The following METTL15 variants were observed in gnomAD, a reference collection of about 807,000 sequenced individuals.
The protein encoded by METTL15 is 12S rRNA N(4)-cytidine methyltransferase METTL15.
METTL15 carries 34 observed loss-of-function variants against 38.3 expected under a neutral mutation model. The ratio of observed to expected loss-of-function variants is 0.89; its 90% CI spans 0.68 to 1.18. METTL15 has a LOEUF of 1.18. METTL15 is among the 50% of genes most tolerant of loss of function. The pLI, the probability that METTL15 is intolerant of heterozygous loss-of-function variation, is 0.00. For missense variants in METTL15, 438 were observed against 498.4 expected (o/e 0.88, Z 1.15); for synonymous variants, 162 against 170.9 (o/e 0.95, Z 0.41).
chr11:28,446,460 T>A (rs540318108), intron 6 of METTL15, among the ~76,000 whole-genome samples: 2 of 152,272 alleles, frequency 1.3e-5, no homozygotes, highest in African/African-American at 4.8e-5. Flanking sequence ...AAGGGCTGTC[T>A]GTGAGGCGTG....
At chr11:28,430,939 C>CAGGA (rs1850920274) in intron 6 of METTL15, among the ~76,000 whole-genome samples, 1 of 91,388 alleles carries the variant, frequency 1.1e-5, no homozygotes, top group Non-Finnish European at 2.4e-5. Context: ...CCGCCCCGTC[C>CAGGA]GGGAGGTGAG....
At chr11:28,530,542 G>T (rs538663027), downstream of METTL15, among the ~76,000 whole-genome samples, 1 of 152,164 alleles carries the variant, frequency 6.6e-6, no homozygotes, top group Non-Finnish European at 1.5e-5. Flanking sequence ...AGCCCTGCTT[G>T]GTAATATCTG....
At chr11:28,392,426 G>T (rs923984269) in intron 5 of METTL15, among the ~76,000 whole-genome samples, 4 of 151,994 alleles carry the variant, frequency 2.6e-5, no homozygotes, top group Admixed American at 2.6e-4. Flanking sequence ...CCCAGAAATA[G>T]ACCCTTTGGT....
At chr11:28,438,087 T>C (rs542135512) in intron 6 of METTL15, among the ~76,000 whole-genome samples, 1 of 152,372 alleles carries the variant, frequency 6.6e-6, no homozygotes, top group African/African-American at 2.4e-5. Flanking sequence ...TTATTATTCC[T>C]ATTTTAAGAA....
chr11:28,285,046 A>G (rs775353704), intron 4 of METTL15, among the ~76,000 whole-genome samples: 2 of 152,046 alleles, frequency 1.3e-5, no homozygotes, highest in African/African-American at 2.4e-5. Flanking sequence ...TGATGGTTTT[A>G]TATGCATCTG....
chr11:28,204,679 C>G (rs906696816), intron 3 of METTL15, among the ~76,000 whole-genome samples: 1 of 151,744 alleles, frequency 6.6e-6, no homozygotes. Flanking sequence ...TTAGTGCAGT[C>G]TTAGTTTGTA....
chr11:28,512,721 AC>A (rs1342854780), intron 6 of METTL15, among the ~76,000 whole-genome samples: 2 of 151,330 alleles, frequency 1.3e-5, no homozygotes, highest in African/African-American at 4.9e-5. Flanking sequence ...CTCCCTCCAC[AC>A]CCCCCTGCAA....
chr11:28,310,911 CTGCTGGTGGTGGTGGTGG>C (rs1857260056), intron 6 of METTL15, among the ~76,000 whole-genome samples: 1 of 84,812 alleles, frequency 1.2e-5, no homozygotes, highest in African/African-American at 4.5e-5. Flanking sequence ...GCTGCTGCTG[CTGCTGGTGGTGGTGGTGG>C]TGGTGGTGGT....
intron 5 of METTL15, among the ~76,000 whole-genome samples, chr11:28,372,119 T>G (rs1286919336): frequency 6.6e-6 from 1 of 152,106 alleles, no homozygotes; most frequent in African/African-American, 2.4e-5. Flanking sequence ...ATGTTAGTTG[T>G]GAATTGGCCA....
At chr11:28,382,835 CAAAA>C (rs766333019) in intron 5 of METTL15, among the ~76,000 whole-genome samples, 1 of 129,632 alleles carries the variant, frequency 7.7e-6, no homozygotes, top group Non-Finnish European at 1.7e-5. Flanking sequence ...AACTCCGTCT[CAAAA>C]AAAAAAAAAG....
chr11:28,162,175 A>C (rs371541753), intron 3 of METTL15, among the ~76,000 whole-genome samples: 11 of 152,246 alleles, frequency 7.2e-5, no homozygotes, highest in African/African-American at 2.6e-4. Context: ...CTAGTAGTAG[A>C]GTTTGGATAG....
intron 6 of METTL15, among the ~76,000 whole-genome samples, chr11:28,524,357 A>T (rs1278164355): frequency 3.3e-5 from 5 of 152,224 alleles, no homozygotes; most frequent in Non-Finnish European, 5.9e-5. Flanking sequence ...TGGTCTCAAG[A>T]TATCATCTAT....
At chr11:28,169,004 A>T (rs1850757863) in intron 3 of METTL15, among the ~76,000 whole-genome samples, 1 of 152,194 alleles carries the variant, frequency 6.6e-6, no homozygotes, top group African/African-American at 2.4e-5. Context: ...ACAGGGAATC[A>T]CTAAAGGTTT....
chr11:28,389,728 G>A (rs1483467704), intron 5 of METTL15, among the ~76,000 whole-genome samples: 2 of 151,092 alleles, frequency 1.3e-5, no homozygotes, highest in Non-Finnish European at 1.5e-5. Flanking sequence ...ATGATTTATA[G>A]TCCTTTGGGT....
intron 2 of METTL15, among the ~76,000 whole-genome samples, chr11:28,110,625 T>C (rs1240996005): frequency 6.6e-6 from 1 of 152,208 alleles, no homozygotes; most frequent in Non-Finnish European, 1.5e-5. Flanking sequence ...TCTCTTTCCT[T>C]AGAACCTCTT....
At chr11:28,352,724 C>A (rs547652548) in intron 4 of METTL15, among the ~76,000 whole-genome samples, 1 of 152,180 alleles carries the variant, frequency 6.6e-6, no homozygotes, top group Non-Finnish European at 1.5e-5. Context: ...CACCCCACCC[C>A]CAAGGGTCAT....
At position 28,194,140 on chromosome 11, in the gene METTL15, C is replaced by CTTTCTTTCTTTCT. The variant is rs1554995588; in HGVS notation, c.271-16919_271-16907dup. Among the ~76,000 whole-genome samples the CTTTCTTTCTTTCT allele has an allele frequency of 7.0e-5, 8 of 114,508 alleles. No homozygotes were observed. In the East Asian group the frequency reaches 2.3e-3, roughly 33 times the overall value. 75.1% of individuals were successfully genotyped at this position (114,508 alleles called of 152,430 possible). ...ATGGTTGATCTTTCTTTCTTTCTTT[C>CTTTCTTTCTTTCT]TTTCTTTCTTTCTTTCTTTCTTTCT... On this transcript the variant is annotated intron_variant, in intron 3 of 6. Transcript: ENST00000407364.
downstream of METTL15, among the ~76,000 whole-genome samples, chr11:28,334,411 G>T (rs948704974): frequency 1.3e-5 from 2 of 151,896 alleles, no homozygotes; most frequent in Non-Finnish European, 1.5e-5. Flanking sequence ...TTTCTATTTA[G>T]TTTTCATAAT....
intron 1 of METTL15, among the ~76,000 whole-genome samples, chr11:28,109,957 C>T (rs1361084747): frequency 6.6e-6 from 1 of 152,188 alleles, no homozygotes; most frequent in Non-Finnish European, 1.5e-5. Context: ...GCTAATGAGA[C>T]AGAAATTCCC....
Sources: gnomAD v4.1 joint callset for allele counts (sites outside exome capture counted in the v4.1 genomes callset) on GRCh38, gnomAD v4.1.1 for gene constraint, MANE v1.5 for transcripts, NCBI Gene and HGNC (gene_info 2026-07-23, HGNC 2026-07-21) for gene names.